Variants in INPP4B observed in about 807,000 individuals in gnomAD.
INPP4B encodes the protein inositol polyphosphate-4-phosphatase type II B.
In INPP4B, 55 loss-of-function variants were observed where a neutral mutation model predicts 122.5. The observed-to-expected ratio is 0.45, with a 90% confidence interval of 0.36 to 0.56. INPP4B has a LOEUF of 0.56. INPP4B is among the 20% of genes least tolerant of loss of function. The pLI is 0.00. For synonymous variants in INPP4B, 403 were observed against 388.7 expected, an observed-to-expected ratio of 1.04 and a Z score of -0.43; for missense variants, 1,000 against 1,097.7, an observed-to-expected ratio of 0.91 and a Z score of 1.26.
At chr4:142,145,768 T>C (rs747628340) in intron 18 of INPP4B, 72 bp downstream of exon 18, 54 of 1,454,786 alleles carry the variant, frequency 3.7e-5, no homozygotes, top group Non-Finnish European at 4.5e-5. Context: ...TCTTCTTCTA[T>C]ATCATTTTTT....
In INPP4B at chr4:142,158,848, A is replaced by T. The variant is rs138263647; in HGVS notation, c.1563+1510T>A. Among the ~76,000 whole-genome samples the T allele has an allele frequency of 3.7e-3, 562 of 152,046 alleles. 4 individuals carry two copies. Among genetic ancestry groups the T allele is most frequent in the African/African-American group, 0.013 (543 of 41,504 alleles). Reference sequence around the variant, plus strand: ...AACATAGTGAGTTAAAATGAGGGGGAAAAATTCCAAGATTCTCACTTGATT... The same window carrying T: ...AACATAGTGAGTTAAAATGAGGGGGTAAAATTCCAAGATTCTCACTTGATT... On this transcript the variant is annotated intron_variant, in intron 17 of 25. Coordinates refer to ENST00000262992, the MANE Select transcript of INPP4B (RefSeq NM_001101669.3).
At chr4:142,181,401 G>A (rs577990849) in intron 15 of INPP4B, among the ~76,000 whole-genome samples, 23 of 152,064 alleles carry the variant, frequency 1.5e-4, no homozygotes, top group Non-Finnish European at 3.2e-4. Context: ...AAGGAGGAAA[G>A]ACAAAACAAA....
intron 1 of INPP4B, among the ~76,000 whole-genome samples, chr4:142,733,299 T>C (rs1766362215): frequency 6.6e-6 from 1 of 152,138 alleles, no homozygotes; most frequent in African/African-American, 2.4e-5. Flanking sequence ...AACATTAAAG[T>C]TTGACTGCAT....
intron 9 of INPP4B, among the ~76,000 whole-genome samples, chr4:142,302,790 T>C (rs928646187): frequency 6.6e-6 from 1 of 151,892 alleles, no homozygotes; most frequent in Non-Finnish European, 1.5e-5. Flanking sequence ...ACAGAAAATA[T>C]AATTGAGATA....
At chr4:142,281,223 T>C (rs902541164) in intron 9 of INPP4B, among the ~76,000 whole-genome samples, 40 of 151,894 alleles carry the variant, frequency 2.6e-4, no homozygotes, top group African/African-American at 8.9e-4. Flanking sequence ...AAATATGTTA[T>C]AGGAGGTTAT....
intron 9 of INPP4B, among the ~76,000 whole-genome samples, chr4:142,285,977 C>G (rs924376360): frequency 6.6e-5 from 10 of 152,156 alleles, no homozygotes; most frequent in African/African-American, 2.4e-4. Context: ...CTCTGCATTA[C>G]TAAATCATCT....
intron 2 of INPP4B, among the ~76,000 whole-genome samples, chr4:142,598,793 A>G (rs1739259386): frequency 6.6e-6 from 1 of 152,140 alleles, no homozygotes; most frequent in Non-Finnish European, 1.5e-5. Flanking sequence ...CTCTGTGCTC[A>G]GACTCATGCA....
intron 2 of INPP4B, among the ~76,000 whole-genome samples, chr4:142,639,091 G>T (rs1749807942): frequency 6.6e-6 from 1 of 152,042 alleles, no homozygotes; most frequent in Admixed American, 6.6e-5. Flanking sequence ...ACTGTTTTTT[G>T]AATGCTGACC....
chr4:142,354,839 T>C (rs1180264770), intron 7 of INPP4B, among the ~76,000 whole-genome samples: 1 of 152,008 alleles, frequency 6.6e-6, no homozygotes, highest in Non-Finnish European at 1.5e-5. Context: ...ATACGGCTAG[T>C]TATCTATTTC....
intron 11 of INPP4B, 126 bp from the exon 12 acceptor site, chr4:142,238,137 T>TA: frequency 2.1e-6 from 1 of 483,790 alleles, no homozygotes; most frequent in Non-Finnish European, 3.7e-6. Flanking sequence ...TGTCTTTTTT[T>TA]AAATCAAAAT....
intron 7 of INPP4B, among the ~76,000 whole-genome samples, chr4:142,369,564 G>A (rs1788947061): frequency 6.7e-6 from 1 of 149,992 alleles, no homozygotes; most frequent in Non-Finnish European, 1.5e-5. Context: ...GTGACAGAAT[G>A]AGACCCTGTC....
intron 2 of INPP4B, among the ~76,000 whole-genome samples, chr4:142,653,515 A>T (rs551142162): frequency 2.0e-3 from 310 of 152,322 alleles, no homozygotes; most frequent in African/African-American, 6.8e-3. Context: ...AAGAACTCCA[A>T]CAAATTTACA....
At chr4:142,338,568 AT>A (rs1777639636) in intron 7 of INPP4B, among the ~76,000 whole-genome samples, 1 of 152,146 alleles carries the variant, frequency 6.6e-6, no homozygotes, top group Non-Finnish European at 1.5e-5. Flanking sequence ...CTATATGGAA[AT>A]CTGCTCATCT....
At chr4:142,756,616 C>T (rs1315415599) in intron 1 of INPP4B, among the ~76,000 whole-genome samples, 1 of 151,566 alleles carries the variant, frequency 6.6e-6, no homozygotes, top group Admixed American at 6.6e-5. Context: ...AAAGGTGATT[C>T]AAAGTATTAG....
At chr4:142,524,566 TGCAAGGCTGGTCCAATATAC>T (rs1261965782) in intron 2 of INPP4B, among the ~76,000 whole-genome samples, 1 of 152,096 alleles carries the variant, frequency 6.6e-6, no homozygotes, top group East Asian at 1.9e-4. Context: ...AGCCCTGGGA[TGCAAGGCTGGTCCAATATAC>T]GCAAATCAAT....
At chr4:142,193,587 C>A (rs1172746353) in intron 14 of INPP4B, among the ~76,000 whole-genome samples, 2 of 152,024 alleles carry the variant, frequency 1.3e-5, no homozygotes, top group Non-Finnish European at 2.9e-5. Flanking sequence ...AACAATCTTT[C>A]AACCAAATTT....
At chr4:142,103,607 T>C (rs1785535911) in intron 23 of INPP4B, among the ~76,000 whole-genome samples, 1 of 152,064 alleles carries the variant, frequency 6.6e-6, no homozygotes, top group African/African-American at 2.4e-5. Flanking sequence ...CAACTATTGT[T>C]TCAGAAAGAG....
chr4:142,630,067 T>G (rs147941090), intron 2 of INPP4B, among the ~76,000 whole-genome samples: 2 of 152,198 alleles, frequency 1.3e-5, no homozygotes, highest in East Asian at 3.9e-4. Context: ...GAGCTTCTTT[T>G]CTCCTTTCTG....
intron 2 of INPP4B, among the ~76,000 whole-genome samples, chr4:142,552,169 G>A (rs1728130034): frequency 6.6e-6 from 1 of 152,162 alleles, no homozygotes. Flanking sequence ...GCTTTTGGCA[G>A]AAAACCAAGT....
Sources: allele counts gnomAD v4.1 joint callset (sites outside exome capture counted in the v4.1 genomes callset), GRCh38; gene constraint gnomAD v4.1.1; transcripts MANE v1.5; gene names NCBI Gene and HGNC (gene_info 2026-07-23, HGNC 2026-07-21).